KCNH1: variants seen among roughly 807,000 people sequenced by gnomAD.
KCNH1 encodes potassium voltage-gated channel subfamily H member 1.
A neutral mutation model predicts 69.2 loss-of-function variants in KCNH1; 27 were observed. The observed-to-expected ratio is 0.39, with a 90% CI of 0.29 to 0.54. The LOEUF (loss-of-function observed/expected upper bound fraction) is 0.54. Ranked by LOEUF, KCNH1 falls within the 20% of genes least tolerant of loss-of-function variation. The pLI is 0.68. For missense variants in KCNH1, 798 were observed against 1,261.6 expected (o/e 0.63, Z 5.57); for synonymous variants, 456 against 487.7 (o/e 0.93, Z 0.86).
At chr1:210,850,968 C>T (rs1446271815) in intron 7 of KCNH1, among the ~76,000 whole-genome samples, 1 of 152,226 alleles carries the variant, frequency 6.6e-6, no homozygotes, top group East Asian at 1.9e-4. Flanking sequence ...AGCAAGAGAG[C>T]AGGCAGCTCT....
intron 10 of KCNH1, among the ~76,000 whole-genome samples, chr1:210,758,975 A>G (rs1206694234): frequency 1.3e-5 from 2 of 152,210 alleles, no homozygotes; most frequent in East Asian, 1.9e-4. Flanking sequence ...ACAATAAGCA[A>G]TGTGTGAGAA....
intron 6 of KCNH1, among the ~76,000 whole-genome samples, chr1:210,961,431 CA>C (rs756245179): frequency 2.0e-5 from 3 of 152,014 alleles, no homozygotes; most frequent in Non-Finnish European, 2.9e-5. Context: ...ACCCATTCGA[CA>C]TGTTTTTTCC....
At chr1:210,973,948 T>C (rs1688556771) in intron 6 of KCNH1, among the ~76,000 whole-genome samples, 1 of 152,206 alleles carries the variant, frequency 6.6e-6, no homozygotes, top group Non-Finnish European at 1.5e-5. Context: ...AATTTATTAA[T>C]GTATTTTTCT....
At chr1:210,944,567 C>T (rs948573066) in intron 6 of KCNH1, among the ~76,000 whole-genome samples, 3 of 152,138 alleles carry the variant, frequency 2.0e-5, no homozygotes, top group Non-Finnish European at 2.9e-5. Flanking sequence ...GGTCACTGAG[C>T]CACACCCCTT....
intron 7 of KCNH1, among the ~76,000 whole-genome samples, chr1:210,812,529 GAA>G (rs1345358908): frequency 6.6e-6 from 1 of 152,028 alleles, no homozygotes. Flanking sequence ...TGCCAAAAAA[GAA>G]AAAAACTCCT....
chr1:210,709,190 A>G (rs1350427181), intron 10 of KCNH1, among the ~76,000 whole-genome samples: 1 of 152,222 alleles, frequency 6.6e-6, no homozygotes, highest in Non-Finnish European at 1.5e-5. Context: ...CAGAGGTTGT[A>G]GTGAGCTGAG....
At chr1:210,742,566 T>C (rs566934493) in intron 10 of KCNH1, among the ~76,000 whole-genome samples, 1 of 152,278 alleles carries the variant, frequency 6.6e-6, no homozygotes, top group Non-Finnish European at 1.5e-5. Context: ...GGTGCTGAAT[T>C]TGAATGACAG....
At chr1:210,763,816 T>C (rs986854906) in intron 10 of KCNH1, among the ~76,000 whole-genome samples, 5 of 152,142 alleles carry the variant, frequency 3.3e-5, no homozygotes, top group Admixed American at 3.3e-4. Context: ...GATTCAACAC[T>C]ATTCCTATCA....
intron 5 of KCNH1, among the ~76,000 whole-genome samples, chr1:211,069,264 ACTATAGAACATTC>A (rs111675993): frequency 0.24 from 34,667 of 145,570 alleles, 4,486 homozygotes; most frequent in African/African-American, 0.32. Flanking sequence ...TAATCACAGA[ACTATAGAACATTC>A]CTCCCCCACC....
intron 6 of KCNH1, among the ~76,000 whole-genome samples, chr1:210,992,490 G>A (rs989794225): frequency 2.0e-5 from 3 of 152,144 alleles, no homozygotes; most frequent in African/African-American, 7.2e-5. Context: ...AAATACAGGG[G>A]TAAGGCAGCA....
chr1:210,798,906 T>C (rs1684376911), intron 8 of KCNH1, among the ~76,000 whole-genome samples: 1 of 152,178 alleles, frequency 6.6e-6, no homozygotes. Context: ...GCTAAACACT[T>C]TAGAATCATT....
At chr1:210,786,839 T>C (rs376634588) in intron 9 of KCNH1, among the ~76,000 whole-genome samples, 36 of 152,142 alleles carry the variant, frequency 2.4e-4, no homozygotes, top group Non-Finnish European at 4.9e-4. Context: ...ATATCCAAAA[T>C]AGATGGCCAA....
At chr1:210,891,972 A>G (rs1245460160) in intron 7 of KCNH1, among the ~76,000 whole-genome samples, 2 of 152,132 alleles carry the variant, frequency 1.3e-5, no homozygotes, top group African/African-American at 4.8e-5. Context: ...ACAGAAAACC[A>G]AACACCACAT....
At chr1:211,000,954 A>T (rs1448816057) in intron 6 of KCNH1, among the ~76,000 whole-genome samples, 2 of 152,090 alleles carry the variant, frequency 1.3e-5, no homozygotes, top group Non-Finnish European at 2.9e-5. Context: ...AAAACTGGCT[A>T]GCCATATGTA....
intron 7 of KCNH1, among the ~76,000 whole-genome samples, chr1:210,891,218 G>T (rs576729576): frequency 2.0e-5 from 3 of 152,238 alleles, no homozygotes; most frequent in African/African-American, 4.8e-5. Context: ...CCATAAAAAA[G>T]GATGAGTTCA....
chr1:210,937,185 A>G (rs1687789214), intron 6 of KCNH1, among the ~76,000 whole-genome samples: 1 of 152,138 alleles, frequency 6.6e-6, no homozygotes, highest in South Asian at 2.1e-4. Flanking sequence ...ATCCATCGCA[A>G]TCAGATGTTC....
intron 10 of KCNH1, among the ~76,000 whole-genome samples, chr1:210,740,263 A>C (rs1682988939): frequency 6.6e-6 from 1 of 152,208 alleles, no homozygotes; most frequent in South Asian, 2.1e-4. Flanking sequence ...CATCTCTGAA[A>C]AGAATGTCCA....
intron 5 of KCNH1, among the ~76,000 whole-genome samples, chr1:211,061,089 C>T (rs866753810): frequency 2.6e-5 from 4 of 152,106 alleles, no homozygotes; most frequent in South Asian, 2.1e-4. Context: ...AATTCAATAA[C>T]GCATTAAAAA....
chr1:210,901,128 T>C (rs1032062712), intron 7 of KCNH1, among the ~76,000 whole-genome samples: 2 of 151,998 alleles, frequency 1.3e-5, no homozygotes, highest in Non-Finnish European at 2.9e-5. Flanking sequence ...AAACTCAACA[T>C]ATTTAAACTC....
Sources: gnomAD v4.1 joint callset for allele counts (sites outside exome capture counted in the v4.1 genomes callset) on GRCh38, gnomAD v4.1.1 for gene constraint, MANE v1.5 for transcripts, NCBI Gene and HGNC (gene_info 2026-07-23, HGNC 2026-07-21) for gene names.